SLC4A4: variants seen among roughly 807,000 people sequenced by gnomAD.
SLC4A4 encodes solute carrier family 4 member 4.
In SLC4A4, 27 loss-of-function variants were observed where a neutral mutation model predicts 111.5. The ratio of observed to expected loss-of-function variants is 0.24; its 90% CI spans 0.18 to 0.33. The LOEUF (loss-of-function observed/expected upper bound fraction) is 0.33, where lower values mean the gene tolerates loss of function less well. SLC4A4 is among the 10% of genes least tolerant of loss of function. SLC4A4 has a pLI of 1.00. For synonymous variants in SLC4A4, 443 were observed against 463.4 expected (o/e 0.96, Z 0.57); for missense variants, 909 against 1,315.5 (o/e 0.69, Z 4.78).
At chr4:71,329,958 A>G (rs1048844916) in intron 3 of SLC4A4, among the ~76,000 whole-genome samples, 11 of 151,644 alleles carry the variant, frequency 7.3e-5, no homozygotes, top group Admixed American at 2.0e-4. Flanking sequence ...CTGTTCTTCT[A>G]TTAATATTAT....
intron 1 of SLC4A4, among the ~76,000 whole-genome samples, chr4:71,222,803 C>T (rs1412007153): frequency 1.3e-5 from 2 of 152,152 alleles, no homozygotes; most frequent in African/African-American, 2.4e-5. Context: ...GTGCAGCCCA[C>T]GTGGTGAGTG....
intron 5 of SLC4A4, 63 bp from the exon 6 acceptor site, chr4:71,356,945 G>T: frequency 6.8e-7 from 1 of 1,480,706 alleles, no homozygotes. Context: ...TAAAGTTAGA[G>T]TAAAAAAATA....
chr4:71,315,821 A>T (rs892076671), intron 3 of SLC4A4, among the ~76,000 whole-genome samples: 1 of 152,170 alleles, frequency 6.6e-6, no homozygotes, highest in Non-Finnish European at 1.5e-5. Flanking sequence ...GGTTTGTAAC[A>T]TGGAAGATTT....
chr4:71,566,758 T>C (rs1404213622), intron 24 of SLC4A4, among the ~76,000 whole-genome samples: 1 of 151,790 alleles, frequency 6.6e-6, no homozygotes, highest in Non-Finnish European at 1.5e-5. Context: ...AAAAATGATT[T>C]GCTTCTTATC....
chr4:71,266,675 A>G (rs186675003), intron 3 of SLC4A4, among the ~76,000 whole-genome samples: 13 of 152,108 alleles, frequency 8.5e-5, no homozygotes, highest in South Asian at 4.2e-4. Context: ...GATACGATCT[A>G]TTTGTATGAA....
chr4:71,203,081 T>C (rs940930567), intron 1 of SLC4A4, among the ~76,000 whole-genome samples: 3 of 152,076 alleles, frequency 2.0e-5, no homozygotes, highest in Non-Finnish European at 2.9e-5. Context: ...AGAGTGAATA[T>C]GGATAAAAGA....
intron 25 of SLC4A4, 54 bp from the exon 26 acceptor site, chr4:71,567,734 G>A: frequency 1.2e-6 from 1 of 808,130 alleles, no homozygotes; most frequent in Non-Finnish European, 2.0e-6. Flanking sequence ...ACATTTGACA[G>A]ATGATGAAGG....
At position 71,254,092 on chromosome 4, in the gene SLC4A4, A is replaced by C. The variant is rs2579354; in HGVS notation, c.74-1128A>C. Among the ~76,000 whole-genome samples, 928 of 152,266 alleles carry C rather than the reference A, an allele frequency of 6.1e-3. 11 individuals carry two copies. The highest frequency in any genetic ancestry group is 0.021 in the African/African-American group (882 of 41,570). ...TATGTACATGTATTTGCATGTAGGTACGTGATATTGGCTGTGGCATTGCAA... is the reference window on the plus strand; with the variant it reads ...TATGTACATGTATTTGCATGTAGGTCCGTGATATTGGCTGTGGCATTGCAA... On this transcript the variant is annotated intron_variant, in intron 2 of 25. Coordinates refer to ENST00000264485, the MANE Select transcript of SLC4A4 (RefSeq NM_001098484.3).
chr4:71,330,879 A>C (rs1427207961), intron 3 of SLC4A4, among the ~76,000 whole-genome samples: 1 of 152,058 alleles, frequency 6.6e-6, no homozygotes, highest in African/African-American at 2.4e-5. Flanking sequence ...AACTCAAACA[A>C]ATTTACAAGA....
intron 2 of SLC4A4, among the ~76,000 whole-genome samples, chr4:71,144,945 C>G (rs576818026): frequency 2.0e-5 from 3 of 152,180 alleles, no homozygotes; most frequent in East Asian, 3.9e-4. Flanking sequence ...TTATTTCCTT[C>G]TCCTGCCTGA....
At chr4:71,473,304 A>G (rs924779060) in intron 14 of SLC4A4, 20 of 583,516 alleles carry the variant, frequency 3.4e-5, no homozygotes, top group Non-Finnish European at 4.9e-5. Flanking sequence ...TAACAGATAT[A>G]AATATGTGAC....
chr4:71,493,852 C>A (rs1394264148), intron 15 of SLC4A4, among the ~76,000 whole-genome samples: 2 of 151,958 alleles, frequency 1.3e-5, no homozygotes, highest in Admixed American at 6.6e-5. Context: ...CTAACCTATT[C>A]TTTTGTTATA....
chr4:71,412,673 C>T (rs995715131), intron 7 of SLC4A4, among the ~76,000 whole-genome samples: 6 of 152,090 alleles, frequency 3.9e-5, no homozygotes, highest in Non-Finnish European at 5.9e-5. Context: ...TGAGATGAAT[C>T]GGTAAATAAT....
chr4:71,371,621 A>T (rs1368176859), intron 6 of SLC4A4, among the ~76,000 whole-genome samples: 1 of 152,146 alleles, frequency 6.6e-6, no homozygotes, highest in Non-Finnish European at 1.5e-5. Context: ...TTTGTAAAAT[A>T]GTTCTTATAA....
intron 3 of SLC4A4, among the ~76,000 whole-genome samples, chr4:71,330,764 C>T (rs1343263783): frequency 3.9e-5 from 6 of 152,158 alleles, no homozygotes; most frequent in Admixed American, 6.5e-5. Context: ...AGCTTCTGCA[C>T]AGCAAAAGAA....
chr4:71,470,184 A>G lies in SLC4A4; in HGVS notation c.1632-2515A>G, dbSNP rs370569028. Among the ~76,000 whole-genome samples, 14 of 152,110 alleles carry G rather than the reference A, an allele frequency of 9.2e-5. No homozygotes were observed. The East Asian group carries it at 1.8e-3, about 19-fold the overall frequency. On this transcript the variant is annotated intron_variant, in intron 13 of 25. Transcript: ENST00000264485. ...ATGTAAATTATATCAAATTTCTAGAACTCAGTTTTTTCTATAGTTTACTTA... is the reference window on the plus strand; with the variant it reads ...ATGTAAATTATATCAAATTTCTAGAGCTCAGTTTTTTCTATAGTTTACTTA...
chr4:71,398,239 C>G (rs547619892), intron 7 of SLC4A4, among the ~76,000 whole-genome samples: 3 of 149,878 alleles, frequency 2.0e-5, no homozygotes, highest in Middle Eastern at 6.8e-3. Context: ...GCACTGAGAT[C>G]GCACCACTGT....
intron 4 of SLC4A4, among the ~76,000 whole-genome samples, chr4:71,348,745 A>C (rs1470645222): frequency 6.6e-6 from 1 of 151,982 alleles, no homozygotes; most frequent in Non-Finnish European, 1.5e-5. Flanking sequence ...CTGGTCTACT[A>C]ATGTGTTTTT....
intron 2 of SLC4A4, among the ~76,000 whole-genome samples, chr4:71,147,497 T>C (rs76767159): frequency 0.13 from 19,442 of 152,118 alleles, 1,395 homozygotes; most frequent in East Asian, 0.28. Context: ...TTTCCTTCCT[T>C]TCTCCTTGCA....
Sources: gnomAD v4.1 joint callset for allele counts (sites outside exome capture counted in the v4.1 genomes callset) on GRCh38, gnomAD v4.1.1 for gene constraint, MANE v1.5 for transcripts, NCBI Gene and HGNC (gene_info 2026-07-23, HGNC 2026-07-21) for gene names.